Variants in LAMA5 observed in about 807,000 individuals in gnomAD.
The protein encoded by LAMA5 is laminin subunit alpha-5.
A neutral mutation model predicts 433.4 loss-of-function variants in LAMA5; 260 were observed. That is an observed-to-expected ratio of 0.60 (90% confidence interval 0.54 to 0.66). The LOEUF is 0.66. Among genes scored for constraint, LAMA5 ranks in the 30% least tolerant of loss-of-function variants. The pLI is 0.00. For missense variants in LAMA5, 5,378 were observed against 5,258.5 expected (o/e 1.02, Z -0.70); for synonymous variants, 2,620 against 2,226.6 (o/e 1.18, Z -4.97).
At chr20:62,329,441 C>T (rs531597381) in intron 32 of LAMA5, among the ~76,000 whole-genome samples, 188 bp from the exon 33 acceptor site, 6 of 152,182 alleles carry the variant, frequency 3.9e-5, no homozygotes, top group Non-Finnish European at 7.4e-5. Flanking sequence ...CAGCAGCTTT[C>T]GGGGGCATGA....
chr20:62,346,622 T>C (rs372769761), intron 8 of LAMA5, 26 bp from the exon 9 acceptor site: 7 of 1,610,406 alleles, frequency 4.3e-6, no homozygotes, highest in African/African-American at 4.0e-5. Context: ...CCGTTGAGTC[T>C]GGGGAGGTCC....
intron 2 of LAMA5, among the ~76,000 whole-genome samples, chr20:62,356,008 C>T (rs1985168685): frequency 6.6e-6 from 1 of 152,252 alleles, no homozygotes; most frequent in African/African-American, 2.4e-5. Context: ...GATCTGTCCT[C>T]CTCCCTCCCC....
chr20:62,351,249 T>G, intron 6 of LAMA5: 1 of 217,844 alleles, frequency 4.6e-6, no homozygotes, highest in Non-Finnish European at 9.3e-6. Context: ...TCCTGAAAGG[T>G]TGGGGGAGCT....
Position 62,323,789 on chromosome 20 carries a change from C to T in LAMA5, c.5836G>A (p.Ala1946Thr). The change falls in exon 44 of 80, where the codon GCC becomes ACC. Residue 1946 changes from alanine (A) to threonine (T), a missense_variant. Physicochemically the swap from Ala to Thr is moderately conservative, Grantham distance 58. Coordinates refer to ENST00000252999, the MANE Select transcript of LAMA5 (RefSeq NM_005560.6). ...QCLCKPGYAG[A>T]SCERCAPGFF... ...GCCCCAGCTCACCGCTCGCAGGAGGCACCTGCATAACCAGGTTTGCAGAGG... is the reference window on the plus strand; with the variant it reads ...GCCCCAGCTCACCGCTCGCAGGAGGTACCTGCATAACCAGGTTTGCAGAGG... 1 of 1,610,450 alleles carries T rather than the reference C, an allele frequency of 6.2e-7. No individual in the cohort carries two copies. The highest frequency in any genetic ancestry group is 8.5e-7 in the Non-Finnish European group (1 of 1,178,768).
intron 1 of LAMA5, among the ~76,000 whole-genome samples, chr20:62,363,091 A>T (rs1226725058): frequency 6.6e-6 from 1 of 151,944 alleles, no homozygotes; most frequent in Non-Finnish European, 1.5e-5. Flanking sequence ...CGGAAGGGGG[A>T]GCTGCAGACA....
rs1318264011 is a variant in LAMA5 at position 62,324,531 on chromosome 20, C to A, written c.5553G>T (p.Arg1851=). The part of the protein sequence containing the change: ...SCQECAPGFY[R]DVKGLFLGRC... ...GGCCCAGGAAGAGACCTTTGACGTC[C>A]CGATAGAAGCCGGGGGCACATTCCT... Residue 1851 remains arginine (R), a synonymous_variant, in exon 42 of 80, where the codon CGG becomes CGT. Coordinates refer to ENST00000252999, the MANE Select transcript of LAMA5 (RefSeq NM_005560.6). This position sits in a 1 kb window ranked among gnomAD's most constrained non-coding sequence, Gnocchi z 4.4. 1.2e-6 allele frequency: 2 copies of A among 1,611,444 alleles called. No homozygotes were observed. Among genetic ancestry groups the A allele is most frequent in the Non-Finnish European group, 1.7e-6 (2 of 1,179,306 alleles).
rs141076860 is a variant in LAMA5 at position 62,349,387 on chromosome 20, GAGA to G, written c.956+2314_956+2316del. On this transcript the variant is annotated intron_variant, in intron 6 of 79. Transcript: ENST00000252999. ...GGCAAAAAGACCATAAAAAGTCCTG[GAGA>G]AGAAGATGACCCACAGAGGATCAGC... Among the ~76,000 whole-genome samples the G allele has an allele frequency of 9.8e-3, 1,489 of 151,354 alleles. 23 individuals carry two copies. The highest frequency in any genetic ancestry group is 0.035 in the African/African-American group (1,426 of 41,158).
intron 2 of LAMA5, among the ~76,000 whole-genome samples, chr20:62,361,562 C>T (rs920470012): frequency 1.3e-5 from 2 of 152,212 alleles, no homozygotes; most frequent in Admixed American, 6.5e-5. Flanking sequence ...GGGTGAAGAC[C>T]GATGTGTCAC....
In LAMA5 at chr20:62,319,695, C is replaced by T. The variant is rs375978861; in HGVS notation, c.6860G>A (p.Arg2287His). 3.7e-5 allele frequency: 57 copies of T among 1,541,838 alleles called. No homozygotes were observed. In the Admixed American group the frequency reaches 4.9e-4, roughly 13 times the overall value. ...TLLAAIRAVDRTLSELMSQTG... is the reference protein window; with the variant it reads ...TLLAAIRAVDHTLSELMSQTG... ...GGGCTGGCCCCTACCGCTCAGGGTGCGGTCCACAGCCCGGATGGCCGCCAA... is the reference window on the plus strand; with the variant it reads ...GGGCTGGCCCCTACCGCTCAGGGTGTGGTCCACAGCCCGGATGGCCGCCAA... Residue 2287 changes from arginine (R) to histidine (H), a missense_variant, in exon 51 of 80, where the codon CGC (arginine) becomes CAC (histidine). By Grantham distance (29) the Arg-to-His change is conservative (BLOSUM62 0). Transcript: ENST00000252999.
chr20:62,337,600 G>C lies in LAMA5; in HGVS notation c.2154C>G (p.Pro718=). The C allele has an allele frequency of 1.2e-6, 2 of 1,608,162 alleles. No homozygotes were observed. The highest frequency in any genetic ancestry group is 1.7e-6 in the Non-Finnish European group (2 of 1,178,016). Reference sequence around the variant, plus strand: ...CACCTGCCTGCTCACCTTCGCAGTAGGGGAAGTTGTAGGCACCGGGCACAC... The same window carrying C: ...CACCTGCCTGCTCACCTTCGCAGTACGGGAAGTTGTAGGCACCGGGCACAC... The part of the protein sequence containing the change: ...DTCVPGAYNF[P]YCEAGSCHPA... Residue 718 remains proline, a synonymous_variant, in exon 16 of 80, where the codon CCC becomes CCG. Transcript: ENST00000252999.
intron 31 of LAMA5, 149 bp from the exon 32 acceptor site, chr20:62,330,065 C>T: frequency 8.4e-7 from 1 of 1,183,572 alleles, no homozygotes; most frequent in East Asian, 2.6e-5. Flanking sequence ...GTCTGCAAGG[C>T]CGGCCCCTCA....
Position 62,332,716 on chromosome 20 carries a change from A to G in LAMA5, c.3284T>C (p.Val1095Ala), listed in dbSNP as rs781234370. The G allele has an allele frequency of 1.2e-6, 2 of 1,609,940 alleles. No individual in the cohort carries two copies. The highest frequency in any genetic ancestry group is 1.1e-5 in the South Asian group (1 of 90,816). ...CACTGCCACTTGAAGCTGGACGTCCACCTGCAGGGAAGGCAGGGTGACGGG... is the reference window on the plus strand; with the variant it reads ...CACTGCCACTTGAAGCTGGACGTCCGCCTGCAGGGAAGGCAGGGTGACGGG... ...PPLITCTGSDVDVQLQVAVPQ... is the reference protein window; with the variant it reads ...PPLITCTGSDADVQLQVAVPQ... The change falls in exon 27 of 80, where the codon GTG becomes GCG. Residue 1095 changes from valine to alanine, a missense_variant and splice_region_variant. Transcript: ENST00000252999.
rs376089471 is a variant in LAMA5 at position 62,310,785 on chromosome 20, G to A, written c.10326C>T (p.Asp3442=). 2.6e-5 allele frequency: 41 copies of A among 1,552,396 alleles called. No individual in the cohort carries two copies. Among genetic ancestry groups the A allele is most frequent in the African/African-American group, 1.2e-4 (9 of 73,592 alleles). Residue 3442 remains aspartate (D), a synonymous_variant, in exon 75 of 80, where the codon GAC becomes GAT. Coordinates refer to ENST00000252999, the MANE Select transcript of LAMA5 (RefSeq NM_005560.6). ...CCTCCTGGCTCCAGGCCCGGGCCCC[G>A]TCCGTCACCAGCAGGATCCGGTTCT... is the stretch of plus-strand genomic sequence containing the variant. ...WEKNRILLVT[D]GARAWSQEGP...
Position 62,309,766 on chromosome 20 carries a change from A to G in LAMA5, c.10898T>C (p.Leu3633Pro). 1 of 1,605,750 alleles carries G rather than the reference A, an allele frequency of 6.2e-7. No homozygotes were observed. Among genetic ancestry groups the G allele is most frequent in the Non-Finnish European group, 8.5e-7 (1 of 1,177,896 alleles). The change falls in exon 79 of 80, where the codon CTG becomes CCG. Residue 3633 changes from leucine (L) to proline (P), a missense_variant. Leu to Pro is a moderately conservative substitution (Grantham distance 98). Transcript: ENST00000252999. The part of the protein sequence containing the change: ...AQSNHTVGPL[L>P]AAAAGAPAPL... Reference sequence around the variant, plus strand: ...GGCTGGGGCACCAGCTGCAGCCGCCAGCAAGGGGCCCACGGTGTGGTTGCT... The same window carrying G: ...GGCTGGGGCACCAGCTGCAGCCGCCGGCAAGGGGCCCACGGTGTGGTTGCT...
intron 57 of LAMA5, 28 bp downstream of exon 57, chr20:62,316,643 A>T (rs1252242496): frequency 2.0e-6 from 3 of 1,491,306 alleles, no homozygotes; most frequent in African/African-American, 1.4e-5. Flanking sequence ...AGCAGGCCTA[A>T]GGGCCCCCAT....
chr20:62,351,931 C>T lies in LAMA5; in HGVS notation c.836G>A (p.Arg279Gln), dbSNP rs141366910. 477 of 1,608,714 alleles carry T rather than the reference C, an allele frequency of 3.0e-4. 3 individuals are homozygous for T. The highest frequency in any genetic ancestry group is 2.9e-4 in the Admixed American group (17 of 59,560). ...LLGHLMGKAL[R>Q]DPTVTRRYYY... The stretch of plus-strand genomic sequence containing the variant: ...CACCCGGCGGGTGACCGTGGGGTCC[C>T]GCAGCGCCTTCCCCATGAGATGGCC... The change falls in exon 5 of 80, where the codon CGG (arginine) becomes CAG (glutamine). Residue 279 changes from arginine (R) to glutamine (Q), a missense_variant. By Grantham distance (43) the Arg-to-Gln change is conservative. Transcript: ENST00000252999.
intron 1 of LAMA5, among the ~76,000 whole-genome samples, chr20:62,365,583 C>T (rs1027158260): frequency 6.6e-6 from 1 of 152,340 alleles, no homozygotes; most frequent in East Asian, 1.9e-4. Context: ...GGACACTCAG[C>T]CAGGCCCTCT....
chr20:62,347,635 T>C (rs1983590159), intron 6 of LAMA5, among the ~76,000 whole-genome samples: 1 of 152,196 alleles, frequency 6.6e-6, no homozygotes, highest in Non-Finnish European at 1.5e-5. Flanking sequence ...GCTGGAATCT[T>C]GCCTTACGTC....
Position 62,352,116 on chromosome 20 carries a change from G to A in LAMA5, c.688-37C>T, listed in dbSNP as rs73916532. 85 of 1,603,414 alleles carry A rather than the reference G, an allele frequency of 5.3e-5. No homozygotes were observed. In the African/African-American group the frequency reaches 9.6e-4, roughly 18 times the overall value. On this transcript the variant is annotated intron_variant, in intron 4 of 79. Transcript: ENST00000252999. ...ATGCGGTGACGCCAGTGTGGCCCTA[G>A]CCCCTGCTCAGCACTGCCCCTCCCG...
Sources: allele counts gnomAD v4.1 joint callset (sites outside exome capture counted in the v4.1 genomes callset), GRCh38; gene constraint gnomAD v4.1.1; non-coding constraint Gnocchi (gnomAD v3.1); transcripts MANE v1.5; gene names NCBI Gene and HGNC (gene_info 2026-07-23, HGNC 2026-07-21).